The following CYB5R4 variants were observed in gnomAD, a reference collection of about 807,000 sequenced individuals.
CYB5R4 encodes the protein N-terminal cytochrome b5 and cytochrome b5 oxidoreductase domain-containing protein.
Under a neutral mutation model 70.2 loss-of-function variants are expected in CYB5R4, and 55 were observed. The observed-to-expected ratio is 0.78, with a 90% CI of 0.63 to 0.98. The LOEUF (loss-of-function observed/expected upper bound fraction) is 0.98, where lower values mean the gene tolerates loss of function less well. Among genes scored for constraint, CYB5R4 ranks in the 50% least tolerant of loss-of-function variants. CYB5R4 has a pLI of 0.00. For missense variants in CYB5R4, 562 were observed against 612.6 expected (o/e 0.92, Z 0.87); for synonymous variants, 197 against 199.5 (o/e 0.99, Z 0.11).
intron 1 of CYB5R4, among the ~76,000 whole-genome samples, chr6:83,862,031 G>A (rs2099456027): frequency 6.6e-6 from 1 of 152,210 alleles, no homozygotes; most frequent in Non-Finnish European, 1.5e-5. Flanking sequence ...AGATTTTGAA[G>A]TGAGAAAGAC....
At position 83,902,150 on chromosome 6, in the gene CYB5R4, C is replaced by T. The variant is rs1029301072; in HGVS notation, c.331-6859C>T. Reference sequence around the variant, plus strand: ...TTTTCTTCTAGTGATTTTATAGTTTCGGGTCTATATTTTAAGTCTTTAATC... The same window carrying T: ...TTTTCTTCTAGTGATTTTATAGTTTTGGGTCTATATTTTAAGTCTTTAATC... On this transcript the variant is annotated intron_variant, in intron 3 of 15. Coordinates refer to ENST00000369681, the MANE Select transcript of CYB5R4 (RefSeq NM_016230.4). Among the ~76,000 whole-genome samples the T allele has an allele frequency of 4.6e-5, 7 of 151,900 alleles. No individual in the cohort carries two copies. In the South Asian group the frequency reaches 6.2e-4, roughly 14 times the overall value.
At chr6:83,930,177 G>A (rs1452271665) in intron 10 of CYB5R4, among the ~76,000 whole-genome samples, 1 of 152,092 alleles carries the variant, frequency 6.6e-6, no homozygotes, top group Non-Finnish European at 1.5e-5. Flanking sequence ...GTCTTGCCTC[G>A]ATGCTGATGA....
chr6:83,882,475 T>C (rs2099459597), intron 2 of CYB5R4, among the ~76,000 whole-genome samples: 1 of 152,164 alleles, frequency 6.6e-6, no homozygotes. Flanking sequence ...GTCGAGTTAA[T>C]TGCCTACTAA....
intron 14 of CYB5R4, among the ~76,000 whole-genome samples, chr6:83,941,081 G>T (rs1457032799): frequency 6.6e-6 from 1 of 152,126 alleles, no homozygotes; most frequent in Non-Finnish European, 1.5e-5. Context: ...TTTTATGTTT[G>T]TTTGTTTGCA....
At position 83,893,540 on chromosome 6, in the gene CYB5R4, G is replaced by A. The variant is rs935175201; in HGVS notation, c.248G>A (p.Ser83Asn). ...ICIRGFVYNV[S>N]PYMEYHPGGE... is the part of the protein sequence containing the mutation. ...GGTACAGGTTTCGTTTATAATGTCA[G>A]CCCTTATATGGAGTATCATCCTGGT... Residue 83 changes from serine (S) to asparagine (N), a missense_variant, in exon 3 of 16, where the codon AGC becomes AAC. Coordinates refer to ENST00000369681, the MANE Select transcript of CYB5R4 (RefSeq NM_016230.4). 6.2e-7 allele frequency: 1 copy of A among 1,610,032 alleles called. No individual in the cohort carries two copies. The highest frequency in any genetic ancestry group is 8.5e-7 in the Non-Finnish European group (1 of 1,176,954).
chr6:83,935,396 A>C (rs1180131482), intron 11 of CYB5R4, among the ~76,000 whole-genome samples: 35 of 152,134 alleles, frequency 2.3e-4, no homozygotes, highest in Admixed American at 2.3e-3. Context: ...TATTATGATG[A>C]GGCACTGTTA....
chr6:83,913,921 A>G (rs2099465081), intron 4 of CYB5R4, among the ~76,000 whole-genome samples: 1 of 152,176 alleles, frequency 6.6e-6, no homozygotes, highest in African/African-American at 2.4e-5. Flanking sequence ...TGCATTGGGT[A>G]TACATGCAAA....
In CYB5R4 at chr6:83,959,905, A is replaced by C; in HGVS notation, c.*27A>C. 6.5e-7 allele frequency: 1 copy of C among 1,548,216 alleles called. No homozygotes were observed. Among genetic ancestry groups the C allele is most frequent in the South Asian group, 1.2e-5 (1 of 81,064 alleles). ...GAAGAGCTGTCATTGTCCTTTATTC[A>C]ACTAGTTTATCTAAATTTGTGATTG... On this transcript the variant is annotated 3_prime_UTR_variant, in exon 16 of 16. Coordinates refer to ENST00000369681, the MANE Select transcript of CYB5R4 (RefSeq NM_016230.4).
At position 83,921,169 on chromosome 6, in the gene CYB5R4, C is replaced by A; in HGVS notation, c.652C>A (p.His218Asn). 6.7e-7 allele frequency: 1 copy of A among 1,493,782 alleles called. No homozygotes were observed. The highest frequency in any genetic ancestry group is 9.1e-7 in the Non-Finnish European group (1 of 1,103,906). The allele number at this position is 1,493,782 out of a possible 1,614,324, so 92.5% of individuals were successfully genotyped here. A position where few individuals can be genotyped will look rare whatever the true frequency, so the allele number is the denominator to read the frequency against. ...TATTAAGGATTGTTTATATCTTATA[C>A]ATATTGGTGAGTACTTTATTATTAT... is the stretch of plus-strand genomic sequence containing the variant. ...TIIKDCLYLI[H>N]IGLSHEVQED... is the part of the protein sequence containing the mutation. Residue 218 changes from histidine to asparagine, a missense_variant, in exon 8 of 16, where the codon CAT becomes AAT. His to Asn is a moderately conservative substitution (Grantham distance 68). Coordinates refer to ENST00000369681, the MANE Select transcript of CYB5R4 (RefSeq NM_016230.4).
chr6:83,900,863 C>G (rs2099462818), intron 3 of CYB5R4, among the ~76,000 whole-genome samples: 1 of 152,118 alleles, frequency 6.6e-6, no homozygotes, highest in South Asian at 2.1e-4. Flanking sequence ...ATGTGTGTCT[C>G]TGCACGTGAG....
intron 2 of CYB5R4, among the ~76,000 whole-genome samples, chr6:83,878,427 A>G (rs1482619043): frequency 3.3e-5 from 5 of 151,912 alleles, no homozygotes; most frequent in African/African-American, 1.2e-4. Context: ...GGCTCACTGC[A>G]AGCTCCGCCT....
intron 3 of CYB5R4, among the ~76,000 whole-genome samples, chr6:83,900,598 G>T (rs530838548): frequency 1.1e-3 from 174 of 152,292 alleles, no homozygotes; most frequent in African/African-American, 4.0e-3. Flanking sequence ...CTGTGTGGGA[G>T]TCTAAGTCTC....
At chr6:83,882,300 C>T (rs934531471) in intron 2 of CYB5R4, among the ~76,000 whole-genome samples, 6 of 152,006 alleles carry the variant, frequency 3.9e-5, no homozygotes, top group Non-Finnish European at 7.4e-5. Flanking sequence ...GGGGCATCTG[C>T]GGTAACTGGA....
Position 83,895,572 on chromosome 6 carries a change from A to G in CYB5R4, c.330+1950A>G, listed in dbSNP as rs566908908. 2.6e-5 allele frequency among the ~76,000 whole-genome samples: 4 copies of G among 152,278 alleles called. No homozygotes were observed. In the South Asian group the frequency reaches 8.3e-4, roughly 32 times the overall value. On this transcript the variant is annotated intron_variant, in intron 3 of 15. Transcript: ENST00000369681. ...CTTGAATCTGCCTTGTAACCTCCTA[A>G]TGTTGAATGTACTGTGCCACAAGAA...
At chr6:83,907,263 A>T (rs1389891474) in intron 3 of CYB5R4, among the ~76,000 whole-genome samples, 2 of 152,138 alleles carry the variant, frequency 1.3e-5, no homozygotes, top group East Asian at 3.9e-4. Flanking sequence ...CTATTTTAAG[A>T]CTTTTAAGGC....
chr6:83,910,543 G>T (rs575951914), intron 4 of CYB5R4, among the ~76,000 whole-genome samples: 1 of 152,188 alleles, frequency 6.6e-6, no homozygotes, highest in Non-Finnish European at 1.5e-5. Context: ...CCTGGTTAGG[G>T]GGCAGATGCA....
chr6:83,922,555 T>C (rs1361284819), intron 9 of CYB5R4, 85 bp downstream of exon 9: 1 of 903,424 alleles, frequency 1.1e-6, no homozygotes, highest in Non-Finnish European at 1.8e-6. Flanking sequence ...ATTGAAAAAT[T>C]AGCATTTGTT....
Position 83,961,582 on chromosome 6 carries a change from AT to A in CYB5R4, c.*1707del, listed in dbSNP as rs2099473352. 1 of 151,870 alleles carries A rather than the reference AT, an allele frequency of 6.6e-6. No individual in the cohort carries two copies. Among genetic ancestry groups the A allele is most frequent in the Non-Finnish European group, 1.5e-5 (1 of 68,128 alleles). 9.4% of individuals were successfully genotyped at this position (151,870 alleles called of 1,614,324 possible). ...TCTTTGCTTTCTACCATAATTGTACATTTCCTGAGGCCTCCCCAGCCATGCA... is the reference window on the plus strand; with the variant it reads ...TCTTTGCTTTCTACCATAATTGTACATTCCTGAGGCCTCCCCAGCCATGCA... On this transcript the variant is annotated 3_prime_UTR_variant, in exon 16 of 16. Coordinates refer to ENST00000369681, the MANE Select transcript of CYB5R4 (RefSeq NM_016230.4).
intron 2 of CYB5R4, among the ~76,000 whole-genome samples, chr6:83,867,724 G>A (rs1208597554): frequency 6.6e-6 from 1 of 152,210 alleles, no homozygotes; most frequent in Non-Finnish European, 1.5e-5. Flanking sequence ...AGTAGGCCGA[G>A]GTGGCCTGTA....
Sources: allele counts gnomAD v4.1 joint callset (sites outside exome capture counted in the v4.1 genomes callset), GRCh38; gene constraint gnomAD v4.1.1; transcripts MANE v1.5; gene names NCBI Gene and HGNC (gene_info 2026-07-23, HGNC 2026-07-21).